The following ERCC6L2 variants were observed in gnomAD, a reference collection of about 807,000 sequenced individuals.
ERCC6L2 encodes ERCC excision repair 6 like 2.
In ERCC6L2, 77 loss-of-function variants were observed where a neutral mutation model predicts 132.0. The ratio of observed to expected loss-of-function variants is 0.58; its 90% CI spans 0.49 to 0.71. ERCC6L2 has a LOEUF of 0.71. Among genes scored for constraint, ERCC6L2 ranks in the 30% least tolerant of loss-of-function variants. The pLI is 0.00. For synonymous variants in ERCC6L2, 583 were observed against 632.4 expected (o/e 0.92, Z 1.17); for missense variants, 1,542 against 1,837.6 (o/e 0.84, Z 2.94).
At chr9:95,915,941 G>C (rs1829564714) in intron 5 of ERCC6L2, 112 bp downstream of exon 5, 3 of 1,088,020 alleles carry the variant, frequency 2.8e-6, no homozygotes, top group Non-Finnish European at 3.9e-6. Flanking sequence ...TCTGGTTTTA[G>C]ATGTGTTTGA....
At chr9:95,923,405 T>G (rs774445606) in intron 9 of ERCC6L2, 26 bp downstream of exon 9, 7 of 1,610,996 alleles carry the variant, frequency 4.3e-6, no homozygotes, top group Non-Finnish European at 5.9e-6. Flanking sequence ...TCAGGTTGCA[T>G]ACAGACATGA....
intron 12 of ERCC6L2, among the ~76,000 whole-genome samples, chr9:95,947,598 G>C (rs543918367): frequency 6.6e-6 from 1 of 152,276 alleles, no homozygotes; most frequent in South Asian, 2.1e-4. Flanking sequence ...ACCTTATATT[G>C]GAAGAAGATG....
chr9:95,999,166 C>T (rs909742372), intron 17 of ERCC6L2, among the ~76,000 whole-genome samples: 19 of 152,242 alleles, frequency 1.2e-4, no homozygotes, highest in African/African-American at 4.6e-4. Context: ...CTAGACCATC[C>T]TGGCTAACAG....
intron 11 of ERCC6L2, among the ~76,000 whole-genome samples, chr9:95,940,370 C>G (rs1018472554): frequency 6.6e-6 from 1 of 152,078 alleles, no homozygotes; most frequent in African/African-American, 2.4e-5. Flanking sequence ...TAGTCTGTGA[C>G]TTTCGGCATT....
chr9:95,919,999 G>C (rs1240561590), intron 6 of ERCC6L2, among the ~76,000 whole-genome samples: 1 of 152,214 alleles, frequency 6.6e-6, no homozygotes, highest in African/African-American at 2.4e-5. Flanking sequence ...GTGGCAGAGG[G>C]ATTCTGATTA....
downstream of ERCC6L2, among the ~76,000 whole-genome samples, chr9:96,021,996 C>T (rs1834299836): frequency 6.6e-6 from 1 of 152,192 alleles, no homozygotes; most frequent in Admixed American, 6.5e-5. This position sits in a 1 kb window ranked among gnomAD's most constrained non-coding sequence, Gnocchi z 4.7. Context: ...CGGCCTCACG[C>T]CCACCCCGCA....
chr9:95,942,495 T>TG lies in ERCC6L2; in HGVS notation c.1847+949dup, dbSNP rs1296351407. ...AAATAAAGTGACTCAGTAGAAGGTC[T>TG]GGGAAAAAAAATGGAGAGGGCTAAT... On this transcript the variant is annotated intron_variant, in intron 12 of 18. Coordinates refer to ENST00000653738, the MANE Select transcript of ERCC6L2 (RefSeq NM_020207.7). 3.3e-5 allele frequency among the ~76,000 whole-genome samples: 5 copies of TG among 150,790 alleles called. No homozygotes were observed. The South Asian group carries it at 6.3e-4, about 19-fold the overall frequency.
At chr9:95,975,072 G>A (rs1379818818) in intron 16 of ERCC6L2, among the ~76,000 whole-genome samples, 1 of 152,026 alleles carries the variant, frequency 6.6e-6, no homozygotes. Context: ...GTAACATTTA[G>A]GGTTTATCTG....
chr9:96,035,487 C>T (rs1303714130), intron 19 of ERCC6L2, among the ~76,000 whole-genome samples: 2 of 152,116 alleles, frequency 1.3e-5, no homozygotes, highest in South Asian at 2.1e-4. Context: ...AGAGGAGCTA[C>T]CCTCTCCACT....
At chr9:95,940,208 A>G (rs1437295661) in intron 11 of ERCC6L2, among the ~76,000 whole-genome samples, 1 of 152,158 alleles carries the variant, frequency 6.6e-6, no homozygotes, top group Non-Finnish European at 1.5e-5. Context: ...TTTGCTGACT[A>G]AGGTAGGGAT....
At chr9:95,891,204 C>G (rs1223869968) in intron 2 of ERCC6L2, among the ~76,000 whole-genome samples, 1 of 152,056 alleles carries the variant, frequency 6.6e-6, no homozygotes, top group African/African-American at 2.4e-5. Context: ...CAAGTGTGTC[C>G]CTAACTCTGT....
chr9:95,917,765 G>T (rs1829668994), intron 6 of ERCC6L2, among the ~76,000 whole-genome samples: 1 of 152,114 alleles, frequency 6.6e-6, no homozygotes, highest in Non-Finnish European at 1.5e-5. Flanking sequence ...AGAGTTTTGT[G>T]ACTTGGAGCA....
At chr9:95,961,882 T>G (rs1306522455) in intron 13 of ERCC6L2, among the ~76,000 whole-genome samples, 1 of 151,922 alleles carries the variant, frequency 6.6e-6, no homozygotes, top group Admixed American at 6.6e-5. Flanking sequence ...AGAATGAGAA[T>G]CAAACGAAAG....
chr9:95,929,352 T>G (rs1163536001), intron 11 of ERCC6L2, among the ~76,000 whole-genome samples: 1 of 152,226 alleles, frequency 6.6e-6, no homozygotes. Context: ...CTAACCCCTA[T>G]GTATGAATAT....
downstream of ERCC6L2, chr9:96,020,605 C>T (rs960813876): frequency 2.7e-6 from 1 of 377,022 alleles, no homozygotes; most frequent in Admixed American, 3.3e-5. Flanking sequence ...CTTAGAATGT[C>T]CCCTAGGTGG....
chr9:95,906,971 A>G (rs1225811711), intron 3 of ERCC6L2, 107 bp from the exon 4 acceptor site: 8 of 710,610 alleles, frequency 1.1e-5, no homozygotes, highest in African/African-American at 1.8e-5. Flanking sequence ...TACTAACTAG[A>G]TGTCAAAATT....
chr9:96,008,999 CA>C (rs1833945583), intron 18 of ERCC6L2, among the ~76,000 whole-genome samples: 1 of 152,236 alleles, frequency 6.6e-6, no homozygotes. Flanking sequence ...GTCAGGTATG[CA>C]CCATGGTGCT....
chr9:95,931,390 T>G (rs1294321467), intron 11 of ERCC6L2, among the ~76,000 whole-genome samples: 1 of 152,180 alleles, frequency 6.6e-6, no homozygotes, highest in Non-Finnish European at 1.5e-5. Context: ...AACTGTCATG[T>G]TGAAGCTTTC....
chr9:95,883,145 G>C (rs994785178), intron 2 of ERCC6L2, among the ~76,000 whole-genome samples: 1 of 152,080 alleles, frequency 6.6e-6, no homozygotes, highest in African/African-American at 2.4e-5. Context: ...CCAGATCGTA[G>C]AATTCAGACA....
Sources: allele counts gnomAD v4.1 joint callset (sites outside exome capture counted in the v4.1 genomes callset), GRCh38; gene constraint gnomAD v4.1.1; non-coding constraint Gnocchi (gnomAD v3.1); transcripts MANE v1.5; gene names NCBI Gene and HGNC (gene_info 2026-07-23, HGNC 2026-07-21).